The following TBCK variants were observed in gnomAD, a reference collection of about 807,000 sequenced individuals.
TBCK encodes TBC1 domain containing kinase.
TBCK carries 99 observed loss-of-function variants against 113.4 expected under a neutral mutation model. The ratio of observed to expected loss-of-function variants is 0.87; its 90% CI spans 0.74 to 1.03. The LOEUF is 1.03. Among genes scored for constraint, TBCK ranks in the 50% least tolerant of loss-of-function variants. TBCK has a pLI of 0.00. For missense variants in TBCK, 1,045 were observed against 1,061.3 expected (o/e 0.98, Z 0.21); for synonymous variants, 369 against 370.8 (o/e 1.00, Z 0.05).
At chr4:106,128,303 T>C (rs1299245829) in intron 23 of TBCK, among the ~76,000 whole-genome samples, 2 of 152,202 alleles carry the variant, frequency 1.3e-5, no homozygotes, top group Admixed American at 6.5e-5. Flanking sequence ...GAATGAAACA[T>C]GTTTTTTGAG....
chr4:106,308,668 T>G (rs1303362298), intron 2 of TBCK, 100 bp downstream of exon 2: 4 of 1,079,768 alleles, frequency 3.7e-6, no homozygotes, highest in Non-Finnish European at 5.3e-6. Flanking sequence ...ATGTGTGCAC[T>G]GGTACTGATG....
intron 19 of TBCK, among the ~76,000 whole-genome samples, chr4:106,217,895 G>C (rs1757162077): frequency 6.9e-6 from 1 of 145,974 alleles, no homozygotes; most frequent in Non-Finnish European, 1.5e-5. Context: ...AACCAAAAAA[G>C]AGCCCGCATC....
intron 2 of TBCK, among the ~76,000 whole-genome samples, chr4:106,300,620 T>C (rs189901702): frequency 4.5e-4 from 68 of 152,344 alleles, no homozygotes; most frequent in Admixed American, 7.8e-4. Context: ...ACCAGAACAC[T>C]GTGATGGTCA....
chr4:106,138,074 G>C (rs997016167), intron 23 of TBCK, among the ~76,000 whole-genome samples: 1 of 141,050 alleles, frequency 7.1e-6, no homozygotes, highest in African/African-American at 2.5e-5. Flanking sequence ...CACAAACAAA[G>C]ATGGCATATA....
At chr4:106,227,067 A>G (rs1758323669) in intron 19 of TBCK, among the ~76,000 whole-genome samples, 1 of 152,146 alleles carries the variant, frequency 6.6e-6, no homozygotes, top group Non-Finnish European at 1.5e-5. Flanking sequence ...CCTTCTAAAA[A>G]TCTTTCTTGA....
At chr4:106,259,189 T>G (rs888056845) in intron 5 of TBCK, among the ~76,000 whole-genome samples, 2 of 151,790 alleles carry the variant, frequency 1.3e-5, no homozygotes, top group Non-Finnish European at 3.0e-5. Context: ...GTCATAAACT[T>G]AAAAAATTTA....
intron 25 of TBCK, among the ~76,000 whole-genome samples, chr4:106,091,537 G>A (rs1445308627): frequency 2.0e-5 from 3 of 152,076 alleles, no homozygotes; most frequent in East Asian, 3.9e-4. Context: ...TCCTTCTGGT[G>A]GGTTCGTGGT....
intron 20 of TBCK, among the ~76,000 whole-genome samples, chr4:106,200,988 T>C (rs1047078477): frequency 5.8e-4 from 89 of 152,186 alleles, no homozygotes; most frequent in African/African-American, 1.8e-3. Context: ...AATAATGGCA[T>C]GTATTTAAAA....
chr4:106,256,970 C>G (rs980769110), intron 5 of TBCK, among the ~76,000 whole-genome samples: 6 of 151,974 alleles, frequency 3.9e-5, no homozygotes, highest in African/African-American at 1.4e-4. Flanking sequence ...AGGGCACTTG[C>G]GTATCTTTTT....
intron 25 of TBCK, among the ~76,000 whole-genome samples, chr4:106,089,497 T>G (rs1167502617): frequency 6.6e-6 from 1 of 152,168 alleles, no homozygotes. Context: ...ACCAAGCCTC[T>G]GCAATAGTCC....
At chr4:106,170,859 C>CA (rs1750905945) in intron 23 of TBCK, among the ~76,000 whole-genome samples, 2 of 151,814 alleles carry the variant, frequency 1.3e-5, no homozygotes, top group South Asian at 4.1e-4. Flanking sequence ...CAAATGCATA[C>CA]AAAAAAAGCA....
At chr4:106,212,175 G>A (rs986645453) in intron 20 of TBCK, among the ~76,000 whole-genome samples, 1 of 151,966 alleles carries the variant, frequency 6.6e-6, no homozygotes, top group African/African-American at 2.4e-5. Context: ...TAATTGATAA[G>A]TAATAATTGT....
At chr4:106,249,967 C>G (rs538318152) in intron 7 of TBCK, among the ~76,000 whole-genome samples, 8 of 152,130 alleles carry the variant, frequency 5.3e-5, no homozygotes, top group African/African-American at 9.6e-5. Context: ...TTGAATTATA[C>G]ATGTTTGGAT....
intron 24 of TBCK, among the ~76,000 whole-genome samples, chr4:106,106,390 G>A (rs1742163282): frequency 6.6e-6 from 1 of 152,188 alleles, no homozygotes; most frequent in African/African-American, 2.4e-5. Context: ...GGCATCTAGA[G>A]AGAACTCGGG....
chr4:106,215,861 C>G (rs1339456649), intron 19 of TBCK, among the ~76,000 whole-genome samples: 1 of 151,766 alleles, frequency 6.6e-6, no homozygotes, highest in Non-Finnish European at 1.5e-5. Context: ...CTGCACCAAG[C>G]GGACCCAATA....
At position 106,042,977 on chromosome 4, in the gene TBCK, A is replaced by G. The variant is rs1295278249; in HGVS notation, c.*3593T>C. 6.6e-6 allele frequency: 1 copy of G among 152,126 alleles called. No individual in the cohort carries two copies. Among genetic ancestry groups the G allele is most frequent in the African/African-American group, 2.4e-5 (1 of 41,424 alleles). 9.4% of individuals were successfully genotyped at this position (152,126 alleles called of 1,614,324 possible). A position where few individuals can be genotyped will look rare whatever the true frequency, so the allele number is the denominator to read the frequency against. ...CGGAGTTCCTTGAGACGGTCACTTC[A>G]TAAAGAGGTCTTAATTAGAACTCCC... On this transcript the variant is annotated 3_prime_UTR_variant, in exon 26 of 26. Transcript: ENST00000394708.
At chr4:106,198,624 TATATA>T (rs1399355527) in intron 20 of TBCK, among the ~76,000 whole-genome samples, 1 of 152,126 alleles carries the variant, frequency 6.6e-6, no homozygotes, top group Non-Finnish European at 1.5e-5. Context: ...CTTTGTATCA[TATATA>T]ATATAGTTGT....
At chr4:106,108,324 A>G (rs766574541) in intron 24 of TBCK, among the ~76,000 whole-genome samples, 4 of 150,168 alleles carry the variant, frequency 2.7e-5, no homozygotes, top group East Asian at 1.9e-4. Flanking sequence ...CTTCAGGCCA[A>G]TATCCTTGAT....
Position 106,212,704 on chromosome 4 carries a change from C to CT in TBCK, c.1860+45dup, listed in dbSNP as rs368657242. The CT allele has an allele frequency of 0.028, 29,275 of 1,061,488 alleles. No homozygotes were observed. Among genetic ancestry groups the CT allele is most frequent in the South Asian group, 0.035 (2,133 of 60,354 alleles). The allele number at this position is 1,061,488 out of a possible 1,614,324, so 65.8% of individuals were successfully genotyped here. The stretch of plus-strand genomic sequence containing the variant: ...CACTCTTCTGTGCTAATAATTTCTG[C>CT]TTTTTTTTTTTAACCACATGTTCTA... On this transcript the variant is annotated intron_variant, in intron 20 of 25. Transcript: ENST00000394708.
Sources: allele counts gnomAD v4.1 joint callset (sites outside exome capture counted in the v4.1 genomes callset), GRCh38; gene constraint gnomAD v4.1.1; transcripts MANE v1.5; gene names NCBI Gene and HGNC (gene_info 2026-07-23, HGNC 2026-07-21).